GPR158: variants seen among roughly 807,000 people sequenced by gnomAD.
GPR158 encodes the protein metabotropic glycine receptor.
GPR158 carries 30 observed loss-of-function variants against 78.2 expected under a neutral mutation model. The observed-to-expected ratio is 0.38, with a 90% CI of 0.29 to 0.52. The LOEUF is 0.52. Among genes scored for constraint, GPR158 ranks in the 20% least tolerant of loss-of-function variants. The pLI is 0.83. For synonymous variants in GPR158, 581 were observed against 591.1 expected, an observed-to-expected ratio of 0.98 and a Z score of 0.25; for missense variants, 1,463 against 1,523.5, an observed-to-expected ratio of 0.96 and a Z score of 0.66.
chr10:25,305,864 G>C (rs558947), intron 2 of GPR158, among the ~76,000 whole-genome samples: 1 of 151,990 alleles, frequency 6.6e-6, no homozygotes, highest in Non-Finnish European at 1.5e-5. Flanking sequence ...AGTAGAAGAG[G>C]TATTTTAGGA....
chr10:25,329,775 CTTGTT>C (rs1378293888), intron 2 of GPR158, among the ~76,000 whole-genome samples: 1 of 151,876 alleles, frequency 6.6e-6, no homozygotes, highest in Non-Finnish European at 1.5e-5. Flanking sequence ...CTTCCAAACA[CTTGTT>C]TTATTACATG....
intron 5 of GPR158, among the ~76,000 whole-genome samples, chr10:25,532,975 C>T (rs774695789): frequency 1.5e-5 from 2 of 134,708 alleles, no homozygotes; most frequent in East Asian, 2.5e-4. Context: ...GAATCAGATC[C>T]GCTTAATTCC....
At chr10:25,356,562 G>A (rs1855556151) in intron 2 of GPR158, among the ~76,000 whole-genome samples, 1 of 151,874 alleles carries the variant, frequency 6.6e-6, no homozygotes, top group African/African-American at 2.4e-5. Flanking sequence ...CTGTTCATGT[G>A]ATAGTAAATG....
At chr10:25,368,148 C>G (rs1221363324) in intron 2 of GPR158, among the ~76,000 whole-genome samples, 1 of 151,866 alleles carries the variant, frequency 6.6e-6, no homozygotes, top group East Asian at 1.9e-4. Flanking sequence ...GAAGTACTGT[C>G]TATTTGATCC....
At chr10:25,375,141 G>T (rs1834058165) in intron 2 of GPR158, among the ~76,000 whole-genome samples, 1 of 151,624 alleles carries the variant, frequency 6.6e-6, no homozygotes, top group South Asian at 2.1e-4. Flanking sequence ...ACTTGTGAAT[G>T]ATGATGAACA....
intron 1 of GPR158, among the ~76,000 whole-genome samples, chr10:25,186,172 A>G (rs538535867): frequency 2.0e-5 from 3 of 152,362 alleles, no homozygotes; most frequent in Non-Finnish European, 2.9e-5. Context: ...CTTTGAAACA[A>G]TTGAGAACAA....
chr10:25,439,476 T>C (rs1423275179), intron 4 of GPR158, among the ~76,000 whole-genome samples: 2 of 152,178 alleles, frequency 1.3e-5, no homozygotes, highest in Admixed American at 1.3e-4. Flanking sequence ...TCAAGTCTCC[T>C]GTCTCTGAAA....
At chr10:25,515,183 G>C (rs1271362334) in intron 5 of GPR158, among the ~76,000 whole-genome samples, 1 of 151,724 alleles carries the variant, frequency 6.6e-6, no homozygotes, top group Non-Finnish European at 1.5e-5. Flanking sequence ...ACTTCTTGGA[G>C]GCTTTGTTCA....
intron 2 of GPR158, among the ~76,000 whole-genome samples, chr10:25,388,766 C>G (rs1182037205): frequency 6.6e-6 from 1 of 152,230 alleles, no homozygotes; most frequent in African/African-American, 2.4e-5. Flanking sequence ...TGGCTGCAGA[C>G]CCAGGCATTT....
Position 25,176,087 on chromosome 10 carries a change from T to C in GPR158, c.667T>C (p.Phe223Leu), listed in dbSNP as rs1852527627. The change falls in exon 1 of 11, where the codon TTC (phenylalanine) becomes CTC (leucine). Residue 223 changes from phenylalanine to leucine, a missense_variant. Coordinates refer to ENST00000376351, the MANE Select transcript of GPR158 (RefSeq NM_020752.3). This position sits in a 1 kb window ranked among gnomAD's most constrained non-coding sequence, Gnocchi z 6.3. ...LANATLETEWFHGLRRKWRPH... is the reference protein window; with the variant it reads ...LANATLETEWLHGLRRKWRPH... ...CAACGCCACTCTGGAGACCGAGTGG[T>C]TCCACGGCCTCCGGCGCAAGTGGAG... 1.3e-6 allele frequency: 2 copies of C among 1,594,110 alleles called. No homozygotes were observed. Among genetic ancestry groups the C allele is most frequent in the Middle Eastern group, 1.7e-4 (1 of 6,042 alleles).
intron 2 of GPR158, among the ~76,000 whole-genome samples, chr10:25,373,331 T>C (rs1203577541): frequency 6.6e-6 from 1 of 151,832 alleles, no homozygotes; most frequent in Admixed American, 6.6e-5. Flanking sequence ...AAAAAAAAAC[T>C]GTTCGGTACT....
At chr10:25,593,873 A>G (rs1414526713) in intron 8 of GPR158, among the ~76,000 whole-genome samples, 1 of 151,990 alleles carries the variant, frequency 6.6e-6, no homozygotes, top group Admixed American at 6.6e-5. Flanking sequence ...CTTTTTCTTA[A>G]TTATAACTGT....
At chr10:25,529,549 C>T (rs1453716607) in intron 5 of GPR158, among the ~76,000 whole-genome samples, 2 of 152,134 alleles carry the variant, frequency 1.3e-5, no homozygotes, top group East Asian at 3.9e-4. Context: ...CCCCGTTACT[C>T]AGATATTGCC....
chr10:25,498,246 T>C (rs1406125952), intron 5 of GPR158, among the ~76,000 whole-genome samples: 1 of 152,184 alleles, frequency 6.6e-6, no homozygotes, highest in Non-Finnish European at 1.5e-5. Flanking sequence ...GTAACCACTA[T>C]CCCGACTTCT....
Position 25,585,752 on chromosome 10 carries a change from G to A in GPR158, c.1754-3255G>A, listed in dbSNP as rs1588924418. ...CCAGCACTTTGGTAGGCCAAGGTGA[G>A]TGGATTGCTTGAGGCCAGAAGTTTG... On this transcript the variant is annotated intron_variant, in intron 7 of 10. Transcript: ENST00000376351. 2.0e-5 allele frequency among the ~76,000 whole-genome samples: 3 copies of A among 152,308 alleles called. No homozygotes were observed. The East Asian group carries it at 5.8e-4, about 29-fold the overall frequency.
At chr10:25,452,609 T>A (rs1238525295) in intron 4 of GPR158, among the ~76,000 whole-genome samples, 1 of 152,132 alleles carries the variant, frequency 6.6e-6, no homozygotes, top group Non-Finnish European at 1.5e-5. Flanking sequence ...TACTCATATA[T>A]CTTGTCTTCA....
intron 5 of GPR158, among the ~76,000 whole-genome samples, chr10:25,485,845 A>G (rs996789454): frequency 2.6e-5 from 4 of 152,162 alleles, no homozygotes; most frequent in Non-Finnish European, 4.4e-5. Context: ...CTGTCCTCCC[A>G]AAATTCATGT....
At chr10:25,305,265 C>T (rs1422105645) in intron 2 of GPR158, among the ~76,000 whole-genome samples, 4 of 152,164 alleles carry the variant, frequency 2.6e-5, no homozygotes, top group African/African-American at 9.7e-5. Flanking sequence ...GATTCCTTCC[C>T]AGACACTTAG....
At chr10:25,571,884 G>A (rs1206854761) in intron 6 of GPR158, among the ~76,000 whole-genome samples, 1 of 152,074 alleles carries the variant, frequency 6.6e-6, no homozygotes, top group Non-Finnish European at 1.5e-5. Flanking sequence ...CTTCCTTAAT[G>A]CAATGGCCTT....
Sources: allele counts gnomAD v4.1 joint callset (sites outside exome capture counted in the v4.1 genomes callset), GRCh38; gene constraint gnomAD v4.1.1; non-coding constraint Gnocchi (gnomAD v3.1); transcripts MANE v1.5; gene names NCBI Gene and HGNC (gene_info 2026-07-23, HGNC 2026-07-21).